The following STMN2 variants were observed in gnomAD, a reference collection of about 807,000 sequenced individuals.
STMN2 encodes stathmin 2, also known as stathmin-2.
STMN2 carries 2 observed loss-of-function variants against 24.1 expected under a neutral mutation model. The observed-to-expected ratio is 0.08, with a 90% CI of 0.03 to 0.26. STMN2 has a LOEUF of 0.26. Among genes scored for constraint, STMN2 ranks in the 10% least tolerant of loss-of-function variants. STMN2 has a pLI of 1.00. For synonymous variants in STMN2, 83 were observed against 77.5 expected, an observed-to-expected ratio of 1.07 and a Z score of -0.37; for missense variants, 114 against 213.6, an observed-to-expected ratio of 0.53 and a Z score of 2.91.
intron 1 of STMN2, among the ~76,000 whole-genome samples, chr8:79,627,694 C>CAT (rs1000624614): frequency 6.6e-6 from 1 of 151,756 alleles, no homozygotes; most frequent in Non-Finnish European, 1.5e-5. Flanking sequence ...TTATGCCTAT[C>CAT]ATATATATAC....
Position 79,640,970 on chromosome 8 carries a change from G to A in STMN2, c.116-408G>A, listed in dbSNP as rs149834560. ...ACTGAAGAACTCCGTTATGTTTCTC[G>A]TCTAACCAAAAAGGGCCTACAGCTA... On this transcript the variant is annotated intron_variant, in intron 2 of 4. Coordinates refer to ENST00000220876, the MANE Select transcript of STMN2 (RefSeq NM_007029.4). 5.3e-4 allele frequency among the ~76,000 whole-genome samples: 80 copies of A among 152,130 alleles called. 2 individuals carry two copies. In the East Asian group the frequency reaches 0.014, roughly 26 times the overall value.
intron 1 of STMN2, among the ~76,000 whole-genome samples, chr8:79,612,084 T>A (rs1485406373): frequency 9.7e-6 from 1 of 102,864 alleles, no homozygotes; most frequent in Admixed American, 1.2e-4. Context: ...CCCCGCCCGG[T>A]GCTGCATCTT....
intron 4 of STMN2, chr8:79,663,596 C>T (rs1028320396): frequency 1.3e-6 from 2 of 1,528,054 alleles, no homozygotes; most frequent in African/African-American, 2.7e-5. Context: ...AAGTTTATTT[C>T]TTCTGAACTA....
intron 4 of STMN2, among the ~76,000 whole-genome samples, 169 bp from the exon 5 acceptor site, chr8:79,664,646 T>G (rs1806564344): frequency 6.6e-6 from 1 of 152,048 alleles, no homozygotes; most frequent in African/African-American, 2.4e-5. Flanking sequence ...GTAAGTCTTG[T>G]AAGATCTTTT....
At chr8:79,621,012 G>A (rs539374506) in intron 1 of STMN2, 689 of 985,212 alleles carry the variant, frequency 7.0e-4, no homozygotes, top group Non-Finnish European at 7.9e-4. Flanking sequence ...TGTGAGTTAC[G>A]TCCTCTGTGG....
Position 79,627,152 on chromosome 8 carries a change from T to C in STMN2, c.20-9650T>C, listed in dbSNP as rs141473044. Among the ~76,000 whole-genome samples, 648 of 152,242 alleles carry C rather than the reference T, an allele frequency of 4.3e-3. 5 individuals are homozygous for C. The highest frequency in any genetic ancestry group is 0.015 in the African/African-American group (626 of 41,540). On this transcript the variant is annotated intron_variant, in intron 1 of 4. Coordinates refer to ENST00000220876, the MANE Select transcript of STMN2 (RefSeq NM_007029.4). ...TATGAGCAATGTTTAAAACCATGAA[T>C]CCCCCTTTTTTTATAAGTAATATTT...
At chr8:79,643,168 T>TATATATAA (rs890175290) in intron 3 of STMN2, among the ~76,000 whole-genome samples, 5 of 145,290 alleles carry the variant, frequency 3.4e-5, no homozygotes, top group South Asian at 2.2e-4. Flanking sequence ...TATATATATA[T>TATATATAA]AAAATACTAG....
chr8:79,661,060 T>C (rs1365710889), intron 4 of STMN2, among the ~76,000 whole-genome samples: 1 of 152,174 alleles, frequency 6.6e-6, no homozygotes, highest in Non-Finnish European at 1.5e-5. Context: ...CAATGGACAC[T>C]TAACATTAGT....
chr8:79,644,168 C>T (rs1222095557), intron 3 of STMN2, among the ~76,000 whole-genome samples: 1 of 152,010 alleles, frequency 6.6e-6, no homozygotes, highest in Non-Finnish European at 1.5e-5. Context: ...TAAGGACATG[C>T]CTATAACCAA....
intron 2 of STMN2, among the ~76,000 whole-genome samples, chr8:79,639,753 T>C (rs529686005): frequency 2.0e-5 from 3 of 152,216 alleles, no homozygotes; most frequent in Non-Finnish European, 4.4e-5. Context: ...TTTTGAAATA[T>C]GTATACATTA....
intron 3 of STMN2, among the ~76,000 whole-genome samples, chr8:79,649,984 T>G (rs997101508): frequency 4.6e-5 from 7 of 152,210 alleles, no homozygotes; most frequent in African/African-American, 1.7e-4. Flanking sequence ...TTGAGTTCAG[T>G]GTGAGGAGGT....
chr8:79,628,420 C>T (rs965660092), intron 1 of STMN2, among the ~76,000 whole-genome samples: 6 of 151,948 alleles, frequency 3.9e-5, no homozygotes, highest in African/African-American at 4.8e-5. Flanking sequence ...CAAAGTGCTG[C>T]GATTACAGGT....
intron 3 of STMN2, among the ~76,000 whole-genome samples, chr8:79,648,520 T>G (rs990388274): frequency 1.5e-5 from 2 of 137,078 alleles, no homozygotes; most frequent in African/African-American, 5.4e-5. Context: ...TGGAGTGCAG[T>G]GTTGCCACCT....
At chr8:79,642,316 C>T (rs1448627707) in intron 3 of STMN2, among the ~76,000 whole-genome samples, 2 of 152,146 alleles carry the variant, frequency 1.3e-5, no homozygotes, top group Non-Finnish European at 2.9e-5. Context: ...ACTTAGAAAT[C>T]CTAGGGACTG....
intron 1 of STMN2, among the ~76,000 whole-genome samples, chr8:79,635,800 T>TG (rs1384314757): frequency 1.4e-4 from 22 of 152,128 alleles, no homozygotes; most frequent in African/African-American, 5.1e-4. Flanking sequence ...TCAGGTGCTA[T>TG]GCTCAATACC....
At chr8:79,664,473 A>G (rs1806560603) in intron 4 of STMN2, among the ~76,000 whole-genome samples, 1 of 152,214 alleles carries the variant, frequency 6.6e-6, no homozygotes, top group Non-Finnish European at 1.5e-5. Flanking sequence ...ATTAGTCAAA[A>G]GGAACGACAT....
intron 1 of STMN2, among the ~76,000 whole-genome samples, chr8:79,634,196 A>G (rs1809882936): frequency 6.6e-6 from 1 of 152,206 alleles, no homozygotes; most frequent in Admixed American, 6.5e-5. Context: ...ACTGTTTTCA[A>G]TTAGTTCATG....
At chr8:79,644,745 C>G (rs1257148827) in intron 3 of STMN2, among the ~76,000 whole-genome samples, 1 of 152,174 alleles carries the variant, frequency 6.6e-6, no homozygotes, top group Non-Finnish European at 1.5e-5. Context: ...TTATTTAGTT[C>G]ATACACTATT....
intron 3 of STMN2, among the ~76,000 whole-genome samples, chr8:79,649,939 C>T (rs1810297099): frequency 1.3e-5 from 2 of 152,130 alleles, no homozygotes; most frequent in African/African-American, 2.4e-5. Context: ...CATTGTTTTT[C>T]GCTTCACGTA....
Sources: gnomAD v4.1 joint callset for allele counts (sites outside exome capture counted in the v4.1 genomes callset) on GRCh38, gnomAD v4.1.1 for gene constraint, MANE v1.5 for transcripts, NCBI Gene and HGNC (gene_info 2026-07-23, HGNC 2026-07-21) for gene names.